KCNJ1: variants seen among roughly 807,000 people sequenced by gnomAD.
The protein encoded by KCNJ1 is potassium inwardly rectifying channel subfamily J member 1, also known as ATP-sensitive inward rectifier potassium channel 1.
KCNJ1 carries 24 observed loss-of-function variants against 21.9 expected under a neutral mutation model. That is an observed-to-expected ratio of 1.10 (90% CI 0.79 to 1.54). KCNJ1 has a LOEUF of 1.54. Among genes scored for constraint, KCNJ1 ranks in the 40% most tolerant of loss-of-function variants. KCNJ1 has a pLI of 0.00. For missense variants in KCNJ1, 457 were observed against 455.4 expected (o/e 1.00, Z -0.03); for synonymous variants, 152 against 160.9 (o/e 0.94, Z 0.42).
intron 2 of KCNJ1, among the ~76,000 whole-genome samples, chr11:128,849,346 C>T (rs528324465): frequency 1.3e-5 from 2 of 152,326 alleles, no homozygotes; most frequent in African/African-American, 2.4e-5. Context: ...ACTTACTCTG[C>T]GCCAGGAATG....
At chr11:128,842,338 C>G (rs1372638784) in intron 2 of KCNJ1, 3 of 1,608,752 alleles carry the variant, frequency 1.9e-6, no homozygotes, top group Non-Finnish European at 2.6e-6. Flanking sequence ...GAAACATTAT[C>G]TGCCTGGCTT....
At chr11:128,857,895 A>C (rs1943617258) in intron 1 of KCNJ1, among the ~76,000 whole-genome samples, 1 of 152,210 alleles carries the variant, frequency 6.6e-6, no homozygotes, top group Non-Finnish European at 1.5e-5. Context: ...TGTGCCTGAA[A>C]ACATACATAA....
At chr11:128,849,810 GTGT>G (rs1943449763) in intron 2 of KCNJ1, among the ~76,000 whole-genome samples, 2 of 152,158 alleles carry the variant, frequency 1.3e-5, no homozygotes, top group Admixed American at 1.3e-4. Flanking sequence ...CCTCTACAGG[GTGT>G]TGTTACTTCT....
chr11:128,839,859 A>G lies in KCNJ1; in HGVS notation c.385T>C (p.Cys129Arg). The G allele has an allele frequency of 6.2e-7, 1 of 1,614,198 alleles. No individual in the cohort carries two copies. The highest frequency in any genetic ancestry group is 1.1e-5 in the South Asian group (1 of 91,082). Residue 129 changes from cysteine (C) to arginine (R), a missense_variant, in exon 3 of 3, where the codon TGT becomes CGT. Cys to Arg is a radical substitution (Grantham distance 180). Transcript: ENST00000392666. ...TQVTIGYGFR[C>R]VTEQCATAIF... ...GCAGTGGCACACTGTTCTGTCACAC[A>G]CCTGAATCCATATCCAATGGTCACT...
chr11:128,848,287 C>CAAAA (rs1002326097), intron 2 of KCNJ1, among the ~76,000 whole-genome samples: 1 of 48,884 alleles, frequency 2.0e-5, no homozygotes, highest in African/African-American at 7.3e-5. Flanking sequence ...GACTCCGTCT[C>CAAAA]AAAAAAAAAA....
rs1943206180 is a variant in KCNJ1 at position 128,838,379 on chromosome 11, T to C, written c.*746A>G. 6.6e-6 allele frequency: 1 copy of C among 152,368 alleles called. No individual in the cohort carries two copies. The highest frequency in any genetic ancestry group is 2.1e-4 in the South Asian group (1 of 4,830). The allele number at this position is 152,368 out of a possible 1,614,324, so 9.4% of individuals were successfully genotyped here. On this transcript the variant is annotated 3_prime_UTR_variant, in exon 3 of 3. Coordinates refer to ENST00000392666, the MANE Select transcript of KCNJ1 (RefSeq NM_153766.3). ...ATTAATGATACATTCCCTTCTCTAC[T>C]GACTTTGCACCTTCCAACTCCTCAT...
intron 1 of KCNJ1, among the ~76,000 whole-genome samples, chr11:128,854,934 T>G (rs1050868008): frequency 6.6e-6 from 1 of 152,158 alleles, no homozygotes; most frequent in African/African-American, 2.4e-5. Flanking sequence ...GTGGTCTAGC[T>G]GGAGCGCACG....
chr11:128,857,795 G>A (rs1943616029), intron 1 of KCNJ1, among the ~76,000 whole-genome samples: 1 of 152,180 alleles, frequency 6.6e-6, no homozygotes, highest in Non-Finnish European at 1.5e-5. Flanking sequence ...GCACCTGGGA[G>A]CATTGTCCCC....
chr11:128,851,650 C>T (rs7120491), intron 1 of KCNJ1, among the ~76,000 whole-genome samples: 4,974 of 152,262 alleles, frequency 0.033, 261 homozygotes, highest in African/African-American at 0.11. Context: ...GGTATTAAAT[C>T]AACTCAGTCT....
intron 2 of KCNJ1, among the ~76,000 whole-genome samples, chr11:128,844,007 T>C (rs1356921863): frequency 6.6e-6 from 1 of 152,214 alleles, no homozygotes; most frequent in East Asian, 1.9e-4. Context: ...AGCAGAACTG[T>C]AACCCTGAGG....
intron 1 of KCNJ1, among the ~76,000 whole-genome samples, chr11:128,859,760 C>T (rs1396981423): frequency 3.3e-5 from 5 of 152,364 alleles, no homozygotes; most frequent in African/African-American, 9.6e-5. Flanking sequence ...TGGGAGCCGC[C>T]TGTGCTGGGC....
chr11:128,838,165 C>T lies in KCNJ1; in HGVS notation c.*960G>A, dbSNP rs187763020. On this transcript the variant is annotated 3_prime_UTR_variant, in exon 3 of 3. Transcript: ENST00000392666. ...AAGACTTTCACAGTAAAACTTTCCC[C>T]TCAAGGTCGAGCCTTCCATAAGCTG... The T allele has an allele frequency of 6.5e-6, 1 of 152,762 alleles. No homozygotes were observed. The highest frequency in any genetic ancestry group is 2.4e-5 in the African/African-American group (1 of 41,568). 9.5% of individuals were successfully genotyped at this position (152,762 alleles called of 1,614,324 possible). A position where few individuals can be genotyped will look rare whatever the true frequency, so the allele number is the denominator to read the frequency against.
chr11:128,839,909 G>C lies in KCNJ1; in HGVS notation c.335C>G (p.Ala112Gly). The change falls in exon 3 of 3, where the codon GCT becomes GGT. Residue 112 changes from alanine (A) to glycine (G), a missense_variant. Coordinates refer to ENST00000392666, the MANE Select transcript of KCNJ1 (RefSeq NM_153766.3). ...CVENINGLTS[A>G]FLFSLETQVT... ...TTGAGTCTCCAGAGAAAACAGAAAA[G>C]CTGAGGTCAAGCCATTAATATTCTC... is the stretch of plus-strand genomic sequence containing the variant. The C allele has an allele frequency of 6.2e-7, 1 of 1,614,166 alleles. No individual in the cohort carries two copies. Among genetic ancestry groups the C allele is most frequent in the South Asian group, 1.1e-5 (1 of 91,076 alleles).
chr11:128,851,450 A>G (rs1412019379), intron 1 of KCNJ1, among the ~76,000 whole-genome samples: 1 of 152,232 alleles, frequency 6.6e-6, no homozygotes, highest in Non-Finnish European at 1.5e-5. Flanking sequence ...TGTGTTGAGG[A>G]GGAGATGGTT....
rs568937839 is a variant in KCNJ1 at position 128,852,703 on chromosome 11, G to A, written c.-191-1813C>T. On this transcript the variant is annotated intron_variant, in intron 1 of 2. Coordinates refer to ENST00000392666, the MANE Select transcript of KCNJ1 (RefSeq NM_153766.3). Reference sequence around the variant, plus strand: ...TTAGCATGCCCCCATCCTCATTACCGGGCACAGCCCACCCAGGAGCCCTCT... The same window carrying A: ...TTAGCATGCCCCCATCCTCATTACCAGGCACAGCCCACCCAGGAGCCCTCT... Among the ~76,000 whole-genome samples, 42 of 152,348 alleles carry A rather than the reference G, an allele frequency of 2.8e-4. No homozygotes were observed. In the South Asian group the frequency reaches 7.5e-3, roughly 27 times the overall value.
chr11:128,846,641 C>A (rs1943384951), intron 2 of KCNJ1, among the ~76,000 whole-genome samples: 1 of 152,160 alleles, frequency 6.6e-6, no homozygotes, highest in Admixed American at 6.5e-5. Context: ...GGGCAAAAGA[C>A]TTGTCTTGGA....
intron 2 of KCNJ1, among the ~76,000 whole-genome samples, chr11:128,841,813 A>G (rs955512099): frequency 5.3e-5 from 8 of 152,166 alleles, no homozygotes; most frequent in Non-Finnish European, 1.2e-4. Context: ...GCAGGTTCTA[A>G]AGACATAAAA....
chr11:128,838,357 A>G lies in KCNJ1; in HGVS notation c.*768T>C, dbSNP rs1943205736. On this transcript the variant is annotated 3_prime_UTR_variant, in exon 3 of 3. Transcript: ENST00000392666. ...GAAACTGTTTCTTCTCAGGTGCATT[A>G]ATGATACATTCCCTTCTCTACTGAC... The G allele has an allele frequency of 6.6e-6, 1 of 152,452 alleles. No individual in the cohort carries two copies. Among genetic ancestry groups the G allele is most frequent in the South Asian group, 2.1e-4 (1 of 4,834 alleles). The allele number at this position is 152,452 out of a possible 1,614,324, so 9.4% of individuals were successfully genotyped here. A position where few individuals can be genotyped will look rare whatever the true frequency, so the allele number is the denominator to read the frequency against.
chr11:128,843,168 AC>A, intron 2 of KCNJ1, among the ~76,000 whole-genome samples: 1 of 152,348 alleles, frequency 6.6e-6, no homozygotes, highest in Non-Finnish European at 1.5e-5. Context: ...TCATCCACTA[AC>A]CAAAACTGTC....
Sources: gnomAD v4.1 joint callset for allele counts (sites outside exome capture counted in the v4.1 genomes callset) on GRCh38, gnomAD v4.1.1 for gene constraint, MANE v1.5 for transcripts, NCBI Gene and HGNC (gene_info 2026-07-23, HGNC 2026-07-21) for gene names.